The following NEGR1 variants were observed in gnomAD, a reference collection of about 807,000 sequenced individuals.
The protein encoded by NEGR1 is IgLON family member 4.
NEGR1 carries 10 observed loss-of-function variants against 40.9 expected under a neutral mutation model. That is an observed-to-expected ratio of 0.24 (90% CI 0.15 to 0.42). The LOEUF (loss-of-function observed/expected upper bound fraction) is 0.42. NEGR1 is among the 10% of genes least tolerant of loss of function. The probability of loss-of-function intolerance (pLI) is 1.00; values close to 1 mark genes in which losing one functional copy is unlikely to be tolerated. For synonymous variants in NEGR1, 185 were observed against 166.8 expected (o/e 1.11, Z -0.84); for missense variants, 352 against 438.9 (o/e 0.80, Z 1.77).
At chr1:71,943,620 T>C (rs1645992181) in intron 1 of NEGR1, among the ~76,000 whole-genome samples, 1 of 152,124 alleles carries the variant, frequency 6.6e-6, no homozygotes, top group Non-Finnish European at 1.5e-5. Context: ...ACATATAAAT[T>C]AGCATTTATG....
intron 1 of NEGR1, among the ~76,000 whole-genome samples, chr1:71,958,494 C>A (rs938925887): frequency 6.6e-6 from 1 of 152,176 alleles, no homozygotes; most frequent in African/African-American, 2.4e-5. Context: ...GGGAATCATA[C>A]TACTCCCAAG....
chr1:71,935,374 G>T, intron 1 of NEGR1, 63 bp from the exon 2 acceptor site: 1 of 1,172,264 alleles, frequency 8.5e-7, no homozygotes, highest in Non-Finnish European at 1.3e-6. Context: ...ACATTATTTT[G>T]TTCTGAGTGT....
intron 6 of NEGR1, among the ~76,000 whole-genome samples, chr1:71,524,364 C>G: frequency 7.5e-6 from 1 of 133,888 alleles, no homozygotes; most frequent in South Asian, 2.5e-4. Context: ...GTGATATCAA[C>G]CAATTTGATA....
At chr1:72,208,996 A>G (rs559394895) in intron 1 of NEGR1, among the ~76,000 whole-genome samples, 1 of 151,822 alleles carries the variant, frequency 6.6e-6, no homozygotes, top group East Asian at 1.9e-4. Context: ...GAGTTTTTGC[A>G]AATTTTACCT....
chr1:71,877,157 A>AC lies in NEGR1; in HGVS notation c.409+57921_409+57922insG, dbSNP rs559861120. On this transcript the variant is annotated intron_variant, in intron 2 of 6. Coordinates refer to ENST00000357731, the MANE Select transcript of NEGR1 (RefSeq NM_173808.3). ...CACGACAAAAACAAAACAAAACAAA[A>AC]AAAAAACAAAAAAAGGGTCTGAGAG... Among the ~76,000 whole-genome samples, 61 of 152,054 alleles carry AC rather than the reference A, an allele frequency of 4.0e-4. 1 individual carries two copies. In the East Asian group the frequency reaches 9.1e-3, roughly 23 times the overall value.
intron 6 of NEGR1, among the ~76,000 whole-genome samples, chr1:71,484,277 A>G (rs989124044): frequency 6.6e-6 from 1 of 151,568 alleles, no homozygotes; most frequent in Non-Finnish European, 1.5e-5. Context: ...TGATTGGAAT[A>G]TTATTCACCT....
chr1:71,633,951 A>T (rs1021638558), intron 4 of NEGR1, among the ~76,000 whole-genome samples: 2 of 152,088 alleles, frequency 1.3e-5, no homozygotes, highest in African/African-American at 4.8e-5. Context: ...TGGACCAAAA[A>T]CCTTGAGACT....
In NEGR1 at chr1:71,406,960, A is replaced by G. The variant is rs916625302; in HGVS notation, c.*486T>C. ...CTAGATATGTGTTATATTTTGAAGAAATAATCTGAAGGCAATATTATTTGC... is the reference window on the plus strand; with the variant it reads ...CTAGATATGTGTTATATTTTGAAGAGATAATCTGAAGGCAATATTATTTGC... On this transcript the variant is annotated 3_prime_UTR_variant, in exon 7 of 7. Transcript: ENST00000357731. The G allele has an allele frequency of 1.3e-5, 2 of 152,570 alleles. No individual in the cohort carries two copies. Among genetic ancestry groups the G allele is most frequent in the African/African-American group, 4.8e-5 (2 of 41,430 alleles). The allele number at this position is 152,570 out of a possible 1,614,324, so 9.5% of individuals were successfully genotyped here.
chr1:71,701,363 C>CT (rs888408131), intron 3 of NEGR1, among the ~76,000 whole-genome samples: 32 of 151,900 alleles, frequency 2.1e-4, no homozygotes, highest in African/African-American at 7.5e-4. Context: ...CCATTTCCAG[C>CT]TTTTAGAGGC....
intron 6 of NEGR1, among the ~76,000 whole-genome samples, chr1:71,532,905 T>G (rs1238089723): frequency 6.6e-6 from 1 of 151,596 alleles, no homozygotes. Flanking sequence ...GGTTCAATAA[T>G]TTCTACAAAA....
rs141204289 is a variant in NEGR1, at chr1:72,124,125, C to T, written c.176+158194G>A. On this transcript the variant is annotated intron_variant, in intron 1 of 6. Coordinates refer to ENST00000357731, the MANE Select transcript of NEGR1 (RefSeq NM_173808.3). Reference sequence around the variant, plus strand: ...AAGCTGCTGGCTTGCTCATCTCTTGCCTTGAGTTTTCTTGATGATTAGGAC... The same window carrying T: ...AAGCTGCTGGCTTGCTCATCTCTTGTCTTGAGTTTTCTTGATGATTAGGAC... 4.6e-5 allele frequency among the ~76,000 whole-genome samples: 7 copies of T among 152,054 alleles called. No individual in the cohort carries two copies. The East Asian group carries it at 9.7e-4, about 21-fold the overall frequency.
chr1:71,957,469 GATAA>G (rs1400430380), intron 1 of NEGR1, among the ~76,000 whole-genome samples: 2 of 151,998 alleles, frequency 1.3e-5, no homozygotes, highest in Non-Finnish European at 2.9e-5. Context: ...TATTTTTATG[GATAA>G]ATAAAAACCA....
chr1:71,755,625 T>C (rs1433622914), intron 3 of NEGR1, among the ~76,000 whole-genome samples: 3 of 152,202 alleles, frequency 2.0e-5, no homozygotes, highest in African/African-American at 7.2e-5. Flanking sequence ...AACTTTTGTC[T>C]TGCCTTCAAG....
At chr1:71,926,525 G>A (rs1302001236) in intron 2 of NEGR1, among the ~76,000 whole-genome samples, 2 of 151,602 alleles carry the variant, frequency 1.3e-5, no homozygotes, top group African/African-American at 4.8e-5. Flanking sequence ...AGTTAGCAAA[G>A]ATGCTTATTT....
At chr1:72,277,155 G>A (rs886768755) in intron 1 of NEGR1, among the ~76,000 whole-genome samples, 1 of 152,088 alleles carries the variant, frequency 6.6e-6, no homozygotes, top group Non-Finnish European at 1.5e-5. Context: ...ATTGGCTAAC[G>A]ACAGCCTGAA....
intron 6 of NEGR1, among the ~76,000 whole-genome samples, chr1:71,505,629 T>C (rs570042484): frequency 5.5e-4 from 83 of 152,242 alleles, no homozygotes; most frequent in African/African-American, 1.9e-3. Context: ...AGTGGTTCAG[T>C]GTGGTGGATC....
At chr1:71,491,978 A>G (rs1287584764) in intron 6 of NEGR1, among the ~76,000 whole-genome samples, 2 of 152,052 alleles carry the variant, frequency 1.3e-5, no homozygotes, top group East Asian at 3.9e-4. Context: ...GAATGAGATT[A>G]ATTCACTTAT....
intron 6 of NEGR1, among the ~76,000 whole-genome samples, chr1:71,462,741 C>G (rs1225442174): frequency 6.6e-6 from 1 of 152,022 alleles, no homozygotes; most frequent in Non-Finnish European, 1.5e-5. Context: ...ATCAGTCAAT[C>G]AAGTGATAAA....
At chr1:72,201,511 C>T (rs1653205477) in intron 1 of NEGR1, among the ~76,000 whole-genome samples, 1 of 151,644 alleles carries the variant, frequency 6.6e-6, no homozygotes, top group Admixed American at 6.6e-5. Context: ...CTTAACAATG[C>T]ACGTAACTCA....
Sources: allele counts gnomAD v4.1 joint callset (sites outside exome capture counted in the v4.1 genomes callset), GRCh38; gene constraint gnomAD v4.1.1; transcripts MANE v1.5; gene names NCBI Gene and HGNC (gene_info 2026-07-23, HGNC 2026-07-21).